Variants in FAT1 observed in about 807,000 individuals in gnomAD.
FAT1 encodes FAT atypical cadherin 1, also known as protocadherin Fat 1.
FAT1 carries 171 observed loss-of-function variants against 329.8 expected under a neutral mutation model. The ratio of observed to expected loss-of-function variants is 0.52; its 90% CI spans 0.46 to 0.59. The LOEUF (loss-of-function observed/expected upper bound fraction) is 0.59. Ranked by LOEUF, FAT1 falls within the 20% of genes least tolerant of loss-of-function variation. The probability of loss-of-function intolerance (pLI) is 0.00; values close to 1 mark genes in which losing one functional copy is unlikely to be tolerated. For missense variants in FAT1, 5,672 were observed against 5,774.4 expected (o/e 0.98, Z 0.57); for synonymous variants, 2,233 against 2,228.6 (o/e 1.00, Z -0.06).
At position 186,692,842 on chromosome 4, in the gene FAT1, C is replaced by G. The variant is rs377590400; in HGVS notation, c.3265+13721G>C. On this transcript the variant is annotated intron_variant, in intron 2 of 26. Transcript: ENST00000441802. ...CAGGAAGTGGTGCTAATGAGAAAAA[C>G]GAACATCTGCAGGCCAAAGTCTATC... 4.6e-4 allele frequency among the ~76,000 whole-genome samples: 70 copies of G among 152,234 alleles called. No individual in the cohort carries two copies. In the East Asian group the frequency reaches 5.2e-3, roughly 11 times the overall value.
At chr4:186,720,670 C>T (rs569345914) in intron 1 of FAT1, among the ~76,000 whole-genome samples, 3 of 152,242 alleles carry the variant, frequency 2.0e-5, no homozygotes, top group South Asian at 4.2e-4. Context: ...GTGTACTTGT[C>T]CTCTCCCTTA....
chr4:186,604,518 A>C lies in FAT1; in HGVS notation c.10407T>G (p.Ser3469=). The C allele has an allele frequency of 5.0e-6, 8 of 1,613,806 alleles. No homozygotes were observed. Among genetic ancestry groups the C allele is most frequent in the Non-Finnish European group, 6.8e-6 (8 of 1,179,736 alleles). The change falls in exon 18 of 27, where the codon TCT becomes TCG. Residue 3469 remains serine (S), a synonymous_variant. Transcript: ENST00000441802. ...VLQLVVTDED[S]SHNGPPFFFT... ...AGAAGAAGGGTGGACCGTTATGGGA[A>C]GAATCCTCATCTGTTACTACCAGCT...
At chr4:186,648,855 T>C (rs904385131) in intron 3 of FAT1, among the ~76,000 whole-genome samples, 2 of 152,156 alleles carry the variant, frequency 1.3e-5, no homozygotes, top group African/African-American at 4.8e-5. Context: ...TCCCGGTGAT[T>C]CCATCCCATG....
Position 186,596,439 on chromosome 4 carries a change from T to C in FAT1, c.13000+101A>G, listed in dbSNP as rs1454751644. On this transcript the variant is annotated intron_variant, in intron 25 of 26. Coordinates refer to ENST00000441802, the MANE Select transcript of FAT1 (RefSeq NM_005245.4). This position sits in a 1 kb window ranked among gnomAD's most constrained non-coding sequence, Gnocchi z 4.7. ...CATACGGATTTCAGTCTGAGCATAC[T>C]TGTCTCTAATGAAGAGTACACACAT... is the stretch of plus-strand genomic sequence containing the variant. 3.1e-6 allele frequency: 4 copies of C among 1,307,856 alleles called. No individual in the cohort carries two copies. The Admixed American group carries it at 1.0e-4, about 33-fold the overall frequency. The allele number at this position is 1,307,856 out of a possible 1,614,324, so 81.0% of individuals were successfully genotyped here.
intron 2 of FAT1, among the ~76,000 whole-genome samples, chr4:186,673,134 C>T (rs1386243659): frequency 6.6e-6 from 1 of 152,088 alleles, no homozygotes; most frequent in Non-Finnish European, 1.5e-5. Context: ...TTTTTAAACA[C>T]ACATACACAA....
chr4:186,631,880 C>T (rs1740613770), intron 7 of FAT1, among the ~76,000 whole-genome samples: 1 of 151,878 alleles, frequency 6.6e-6, no homozygotes, highest in South Asian at 2.1e-4. Context: ...GCAGCTGCTG[C>T]ACCCCCCTCC....
chr4:186,602,864 T>G (rs1406018386), intron 20 of FAT1, 39 bp downstream of exon 20: 4 of 1,571,610 alleles, frequency 2.5e-6, no homozygotes, highest in Non-Finnish European at 3.5e-6. Context: ...TGAAACCGAT[T>G]TTTAAAAATA....
At chr4:186,714,046 C>T (rs920391472) in intron 1 of FAT1, among the ~76,000 whole-genome samples, 2 of 152,098 alleles carry the variant, frequency 1.3e-5, no homozygotes, top group African/African-American at 4.8e-5. Context: ...ATTTTTAGGA[C>T]TTTAGAGTTT....
intron 11 of FAT1, 34 bp from the exon 12 acceptor site, chr4:186,614,378 A>C: frequency 7.1e-7 from 1 of 1,414,784 alleles, no homozygotes; most frequent in East Asian, 2.6e-5. Flanking sequence ...GTTACATAAA[A>C]GCATTAACAG....
chr4:186,676,290 CA>C (rs201591915), intron 2 of FAT1, among the ~76,000 whole-genome samples: 3 of 136,972 alleles, frequency 2.2e-5, no homozygotes, highest in East Asian at 2.0e-4. Flanking sequence ...AAAAAAAAAA[CA>C]AAAAAAAACA....
In FAT1 at chr4:186,701,143, C is replaced by G. The variant is rs1233725229; in HGVS notation, c.3265+5420G>C. ...CATCATACAAATAACTAAAGAAAAGCTGAATCTCTGTTGTTTTTAGTAAGA... is the reference window on the plus strand; with the variant it reads ...CATCATACAAATAACTAAAGAAAAGGTGAATCTCTGTTGTTTTTAGTAAGA... On this transcript the variant is annotated intron_variant, in intron 2 of 26. Transcript: ENST00000441802. 1.3e-5 allele frequency among the ~76,000 whole-genome samples: 2 copies of G among 152,164 alleles called. 1 individual carries two copies. The highest frequency in any genetic ancestry group is 6.3e-3 in the Middle Eastern group (2 of 316).
At chr4:186,681,438 T>C (rs534184968) in intron 2 of FAT1, among the ~76,000 whole-genome samples, 50 of 152,234 alleles carry the variant, frequency 3.3e-4, no homozygotes, top group African/African-American at 1.2e-3. Context: ...TTTCCAAGGA[T>C]GCTATTATTC....
intron 26 of FAT1, among the ~76,000 whole-genome samples, chr4:186,593,265 C>G (rs1469691958): frequency 1.3e-5 from 2 of 152,216 alleles, no homozygotes; most frequent in Non-Finnish European, 2.9e-5. Flanking sequence ...CGTCTGTTTG[C>G]AGATGGACTA....
At position 186,636,767 on chromosome 4, in the gene FAT1, T is replaced by C. The variant is rs1274174195; in HGVS notation, c.3790A>G (p.Arg1264Gly). 2 of 1,613,888 alleles carry C rather than the reference T, an allele frequency of 1.2e-6. No individual in the cohort carries two copies. Among genetic ancestry groups the C allele is most frequent in the Admixed American group, 1.7e-5 (1 of 60,008 alleles). ...LPEREKPDRE[R>G]NARREPLYHV... Reference sequence around the variant, plus strand: ...TAGAGCGGCTCCCGTCTGGCATTTCTTTCTCGGTCTGGCTTTTCCCGCTCA... The same window carrying C: ...TAGAGCGGCTCCCGTCTGGCATTTCCTTCTCGGTCTGGCTTTTCCCGCTCA... Residue 1264 changes from arginine to glycine, a missense_variant, in exon 5 of 27, where the codon AGA becomes GGA. Physicochemically the swap from Arg to Gly is moderately radical, Grantham distance 125 (BLOSUM62 -2). Coordinates refer to ENST00000441802, the MANE Select transcript of FAT1 (RefSeq NM_005245.4).
At chr4:186,688,578 A>G (rs376490485) in intron 2 of FAT1, among the ~76,000 whole-genome samples, 3 of 151,880 alleles carry the variant, frequency 2.0e-5, no homozygotes, top group Non-Finnish European at 2.9e-5. Flanking sequence ...ATGAAGGGGG[A>G]CGCAATTCAA....
chr4:186,614,606 T>A (rs528016530), intron 11 of FAT1, among the ~76,000 whole-genome samples: 1 of 152,200 alleles, frequency 6.6e-6, no homozygotes, highest in Non-Finnish European at 1.5e-5. Context: ...AATGCTATTA[T>A]ATGTTATTAA....
At position 186,690,881 on chromosome 4, in the gene FAT1, ATACT is replaced by A. The variant is rs1052698679; in HGVS notation, c.3265+15678_3265+15681del. Among the ~76,000 whole-genome samples the A allele has an allele frequency of 2.2e-4, 34 of 152,346 alleles. 1 individual carries two copies. Among genetic ancestry groups the A allele is most frequent in the South Asian group, 1.2e-3 (6 of 4,830 alleles). ...AAAATGAATGTTAAAGGTCTCATTA[ATACT>A]TACGCTAATCACATGCTGTAATTGT... On this transcript the variant is annotated intron_variant, in intron 2 of 26. Transcript: ENST00000441802.
chr4:186,656,414 C>A (rs187536429), intron 3 of FAT1, among the ~76,000 whole-genome samples: 5 of 152,192 alleles, frequency 3.3e-5, no homozygotes, highest in African/African-American at 1.2e-4. Context: ...AGGAAGGGAA[C>A]GGAGTGTCTG....
chr4:186,650,526 G>A (rs964308557), intron 3 of FAT1, among the ~76,000 whole-genome samples: 1 of 152,106 alleles, frequency 6.6e-6, no homozygotes, highest in Non-Finnish European at 1.5e-5. Context: ...CCAGCAACAT[G>A]GGCCTCAGGG....
Sources: allele counts gnomAD v4.1 joint callset (sites outside exome capture counted in the v4.1 genomes callset), GRCh38; gene constraint gnomAD v4.1.1; non-coding constraint Gnocchi (gnomAD v3.1); transcripts MANE v1.5; gene names NCBI Gene and HGNC (gene_info 2026-07-23, HGNC 2026-07-21).